Variants in PCDHGB3 observed in about 807,000 individuals in gnomAD.
PCDHGB3 encodes protocadherin gamma subfamily B, 3, also known as protocadherin gamma-B3.
PCDHGB3 carries 40 observed loss-of-function variants against 59.2 expected under a neutral mutation model. That is an observed-to-expected ratio of 0.68 (90% confidence interval 0.52 to 0.88). The LOEUF (loss-of-function observed/expected upper bound fraction) is 0.88. Ranked by LOEUF, PCDHGB3 falls within the 40% of genes least tolerant of loss-of-function variation. The pLI is 0.00. For missense variants in PCDHGB3, 1,309 were observed against 1,187.9 expected (o/e 1.10, Z -1.50); for synonymous variants, 581 against 503.6 (o/e 1.15, Z -2.06).
chr5:141,483,661 T>TGTGTGA (rs1357903548), intron 1 of PCDHGB3, among the ~76,000 whole-genome samples: 7 of 152,042 alleles, frequency 4.6e-5, no homozygotes, highest in African/African-American at 1.7e-4. Context: ...TGTGTGTGTG[T>TGTGTGA]GTGTGTGTAA....
intron 1 of PCDHGB3, among the ~76,000 whole-genome samples, chr5:141,382,440 G>T (rs1184288404): frequency 6.6e-6 from 1 of 152,174 alleles, no homozygotes; most frequent in Non-Finnish European, 1.5e-5. Flanking sequence ...TCACTTGAAA[G>T]TTGCAAGGCA....
At chr5:141,403,565 G>A in intron 1 of PCDHGB3, 8 of 1,613,952 alleles carry the variant, frequency 5.0e-6, no homozygotes, top group Non-Finnish European at 6.8e-6. Context: ...CAGGGAGGAG[G>A]CAACTGCCCA....
At position 141,372,054 on chromosome 5, in the gene PCDHGB3, G is replaced by A. The variant is rs377450479; in HGVS notation, c.1660G>A (p.Asp554Asn). The change falls in exon 1 of 4, where the codon GAC (aspartate) becomes AAC (asparagine). Residue 554 changes from aspartate (D) to asparagine (N), a missense_variant. Transcript: ENST00000576222. ...ANVSLRVLVD[D>N]RNDNAPLVLY... ...CGTGAGCCTGCGCGTGTTGGTGGAC[G>A]ACCGCAACGACAATGCACCGCTGGT... 3.1e-6 allele frequency: 5 copies of A among 1,613,396 alleles called. No individual in the cohort carries two copies. The highest frequency in any genetic ancestry group is 1.7e-4 in the Middle Eastern group (1 of 6,058).
At chr5:141,414,846 G>A in intron 1 of PCDHGB3, 1 of 1,614,218 alleles carries the variant, frequency 6.2e-7, no homozygotes, top group African/African-American at 1.3e-5. Flanking sequence ...TGTTTGTGCT[G>A]GACCAGAACG....
rs2099643895 is a variant in PCDHGB3 at position 141,487,385 on chromosome 5, C to T, written c.2416-7422C>T. 1.9e-6 allele frequency: 3 copies of T among 1,614,160 alleles called. No homozygotes were observed. The highest frequency in any genetic ancestry group is 1.1e-5 in the South Asian group (1 of 91,086). On this transcript the variant is annotated intron_variant, in intron 1 of 3. Transcript: ENST00000576222. This position sits in a 1 kb window ranked among gnomAD's most constrained non-coding sequence, Gnocchi z 5.0. Reference sequence around the variant, plus strand: ...CACCTGTGCCTGTCTCACCAGATCTCGAAGGAGGGAGGGGCTTCCCCCTTC... The same window carrying T: ...CACCTGTGCCTGTCTCACCAGATCTTGAAGGAGGGAGGGGCTTCCCCCTTC...
At chr5:141,429,801 C>T (rs2097245893) in intron 1 of PCDHGB3, among the ~76,000 whole-genome samples, 1 of 152,104 alleles carries the variant, frequency 6.6e-6, no homozygotes, top group African/African-American at 2.4e-5. Flanking sequence ...CAGTAATTCT[C>T]AGTAATTACA....
chr5:141,492,395 C>G (rs2099740183), intron 1 of PCDHGB3, among the ~76,000 whole-genome samples: 1 of 152,242 alleles, frequency 6.6e-6, no homozygotes, highest in African/African-American at 2.4e-5. Flanking sequence ...GGTCCACTCG[C>G]AGCTCCCCTC....
rs2099697598 is a variant in PCDHGB3 at position 141,490,236 on chromosome 5, C to T, written c.2416-4571C>T. On this transcript the variant is annotated intron_variant, in intron 1 of 3. Coordinates refer to ENST00000576222, the MANE Select transcript of PCDHGB3 (RefSeq NM_018924.5). This position sits in a 1 kb window ranked among gnomAD's most constrained non-coding sequence, Gnocchi z 5.4. ...ACCAGGGACAGCCTGCCATGGAGGG[C>T]CACTGTGTGATTCAAGTGGATGTGG... is the stretch of plus-strand genomic sequence containing the variant. 1 of 1,614,078 alleles carries T rather than the reference C, an allele frequency of 6.2e-7. No homozygotes were observed. The highest frequency in any genetic ancestry group is 1.1e-5 in the South Asian group (1 of 91,088).
At chr5:141,505,202 T>C (rs778935321) in intron 2 of PCDHGB3, among the ~76,000 whole-genome samples, 191 bp from the exon 3 acceptor site, 3 of 152,012 alleles carry the variant, frequency 2.0e-5, no homozygotes, top group Non-Finnish European at 4.4e-5. Flanking sequence ...AAAGAGCTGG[T>C]TTGAGGGACT....
chr5:141,505,252 C>T (rs2099844831), intron 2 of PCDHGB3, 141 bp from the exon 3 acceptor site: 1 of 1,454,140 alleles, frequency 6.9e-7, no homozygotes, highest in Non-Finnish European at 9.2e-7. Context: ...TGTAGAAGTG[C>T]CTCCTACCTT....
intron 1 of PCDHGB3, chr5:141,441,746 C>T: frequency 2.7e-6 from 1 of 371,314 alleles, no homozygotes; most frequent in East Asian, 9.8e-5. Flanking sequence ...TCGCGCTCGG[C>T]GTCAACGTGA....
chr5:141,490,941 A>G lies in PCDHGB3; in HGVS notation c.2416-3866A>G. The G allele has an allele frequency of 6.2e-7, 1 of 1,613,628 alleles. No homozygotes were observed. The highest frequency in any genetic ancestry group is 8.5e-7 in the Non-Finnish European group (1 of 1,179,772). On this transcript the variant is annotated intron_variant, in intron 1 of 3. Coordinates refer to ENST00000576222, the MANE Select transcript of PCDHGB3 (RefSeq NM_018924.5). The surrounding 1 kb of genome is among the most constrained non-coding windows in gnomAD (Gnocchi z 5.4). ...ATAATGCCCCAGCTGTGCTGCACCC[A>G]CGGCCAGACTGGGAACACTCAGCCC... is the stretch of plus-strand genomic sequence containing the variant.
rs199625514 is a variant in PCDHGB3 at position 141,485,144 on chromosome 5, G to C, written c.2416-9663G>C. The C allele has an allele frequency of 6.4e-7, 1 of 1,564,190 alleles. No homozygotes were observed. Among genetic ancestry groups the C allele is most frequent in the African/African-American group, 1.4e-5 (1 of 74,034 alleles). ...CGGGTCGGCTTCATCCGCGTCTCAG[G>C]AGCAAGTAGAGAATTAGCGGGCGGC... On this transcript the variant is annotated intron_variant, in intron 1 of 3. Coordinates refer to ENST00000576222, the MANE Select transcript of PCDHGB3 (RefSeq NM_018924.5). The surrounding 1 kb of genome is among the most constrained non-coding windows in gnomAD (Gnocchi z 5.7).
chr5:141,435,108 G>A lies in PCDHGB3; in HGVS notation c.2416-59699G>A, dbSNP rs1027955145. ...AACTGATCTGTTTATCTAGGGGGGA[G>A]AAATCTAATTCAATGGAAAATATAA... On this transcript the variant is annotated intron_variant, in intron 1 of 3. Transcript: ENST00000576222. Among the ~76,000 whole-genome samples, 3 of 152,144 alleles carry A rather than the reference G, an allele frequency of 2.0e-5. No homozygotes were observed. In the South Asian group the frequency reaches 6.2e-4, roughly 32 times the overall value.
intron 1 of PCDHGB3, among the ~76,000 whole-genome samples, chr5:141,424,973 G>A (rs2096851520): frequency 6.6e-6 from 1 of 152,108 alleles, no homozygotes; most frequent in African/African-American, 2.4e-5. Flanking sequence ...AAATTACTTG[G>A]ATATTTATGT....
At chr5:141,420,025 T>A in intron 1 of PCDHGB3, 1 of 1,614,096 alleles carries the variant, frequency 6.2e-7, no homozygotes, top group Non-Finnish European at 8.5e-7. Context: ...TCAGCCCTAC[T>A]GCAGGAGACT....
In PCDHGB3 at chr5:141,409,398, A is replaced by G. The variant is rs186373896; in HGVS notation, c.2415+36589A>G. On this transcript the variant is annotated intron_variant, in intron 1 of 3. Transcript: ENST00000576222. Reference sequence around the variant, plus strand: ...CCATTCAAGATTTATTCTTCTTCCAATAACTACTACAAACTGGTGACAGAT... The same window carrying G: ...CCATTCAAGATTTATTCTTCTTCCAGTAACTACTACAAACTGGTGACAGAT... 9.6e-5 allele frequency: 155 copies of G among 1,614,050 alleles called. No individual in the cohort carries two copies. In the African/African-American group the frequency reaches 1.5e-3, roughly 16 times the overall value.
At chr5:141,418,811 A>C in intron 1 of PCDHGB3, 1 of 1,613,916 alleles carries the variant, frequency 6.2e-7, no homozygotes. Context: ...ATATACGATA[A>C]ACATAGAAGC....
rs539719239 is a variant in PCDHGB3, at chr5:141,431,888, G to A, written c.2415+59079G>A. The A allele has an allele frequency of 6.2e-7, 1 of 1,614,200 alleles. No homozygotes were observed. The highest frequency in any genetic ancestry group is 1.7e-5 in the Admixed American group (1 of 60,036). On this transcript the variant is annotated intron_variant, in intron 1 of 3. Coordinates refer to ENST00000576222, the MANE Select transcript of PCDHGB3 (RefSeq NM_018924.5). The surrounding 1 kb of genome is among the most constrained non-coding windows in gnomAD (Gnocchi z 4.8). ...TTTAAATGTAAATGACCAAGATTCT[G>A]AGGAAAACGGACAGGTGATCTGTTT... is the stretch of plus-strand genomic sequence containing the variant.
Sources: allele counts gnomAD v4.1 joint callset (sites outside exome capture counted in the v4.1 genomes callset), GRCh38; gene constraint gnomAD v4.1.1; non-coding constraint Gnocchi (gnomAD v3.1); transcripts MANE v1.5; gene names NCBI Gene and HGNC (gene_info 2026-07-23, HGNC 2026-07-21).